Variants in MLPH observed in about 807,000 individuals in gnomAD.
The protein encoded by MLPH is melanophilin.
MLPH carries 51 observed loss-of-function variants against 72.1 expected under a neutral mutation model. That is an observed-to-expected ratio of 0.71 (90% CI 0.56 to 0.89). The LOEUF (loss-of-function observed/expected upper bound fraction) is 0.89. Ranked by LOEUF, MLPH falls within the 40% of genes least tolerant of loss-of-function variation. The pLI is 0.00. For missense variants in MLPH, 743 were observed against 759.9 expected (o/e 0.98, Z 0.26); for synonymous variants, 301 against 310.1 (o/e 0.97, Z 0.31).
At position 237,512,355 on chromosome 2, in the gene MLPH, A is replaced by G. The variant is rs368452945; in HGVS notation, c.445+1254A>G. Among the ~76,000 whole-genome samples, 57 of 152,358 alleles carry G rather than the reference A, an allele frequency of 3.7e-4. No homozygotes were observed. Among genetic ancestry groups the G allele is most frequent in the African/African-American group, 1.3e-3 (55 of 41,582 alleles). On this transcript the variant is annotated intron_variant, in intron 4 of 15. Transcript: ENST00000264605. This position sits in a 1 kb window ranked among gnomAD's most constrained non-coding sequence, Gnocchi z 5.5. ...CTTAGCCCATCGTTTAATTTAGGAC[A>G]GAGGCCACGGAGAGGCACCGCTGGA...
chr2:237,553,476 G>T, intron 15 of MLPH, 90 bp from the exon 16 acceptor site: 1 of 1,204,718 alleles, frequency 8.3e-7, no homozygotes. Context: ...GTACACACCT[G>T]TGTATTTGTA....
At chr2:237,492,994 C>G (rs972700215) in intron 1 of MLPH, among the ~76,000 whole-genome samples, 1 of 152,186 alleles carries the variant, frequency 6.6e-6, no homozygotes, top group Non-Finnish European at 1.5e-5. Context: ...CTGTGCTGTT[C>G]CCTCTCCCAA....
chr2:237,506,370 G>C lies in MLPH; in HGVS notation c.111-4204G>C, dbSNP rs11902311. On this transcript the variant is annotated intron_variant, in intron 2 of 15. Transcript: ENST00000264605. ...AATCTCTTTAATGTCTGTGTAGCAG[G>C]ACAAGCCACAGACAAGAACTCCTCA... Among the ~76,000 whole-genome samples, 728 of 152,240 alleles carry C rather than the reference G, an allele frequency of 4.8e-3. 1 individual carries two copies. The highest frequency in any genetic ancestry group is 0.017 in the African/African-American group (689 of 41,534).
intron 12 of MLPH, among the ~76,000 whole-genome samples, chr2:237,545,954 C>T (rs889160556): frequency 4.6e-5 from 7 of 152,144 alleles, no homozygotes; most frequent in African/African-American, 1.7e-4. Context: ...TAAGGACACA[C>T]CCATGACACA....
chr2:237,494,898 C>T (rs2079504770), intron 2 of MLPH, among the ~76,000 whole-genome samples: 1 of 152,200 alleles, frequency 6.6e-6, no homozygotes, highest in African/African-American at 2.4e-5. Flanking sequence ...GTGACTTGTA[C>T]AGTACAGATT....
chr2:237,553,551 G>A lies in MLPH; in HGVS notation c.1777-15G>A, dbSNP rs758716345. ...TGTGTGTGCTTATATGTGCATGTGT[G>A]TTTGTACTTTACAGAAACCTGTGGT... On this transcript the variant is annotated splice_polypyrimidine_tract_variant and intron_variant, in intron 15 of 15. Transcript: ENST00000264605. 1.2e-6 allele frequency: 2 copies of A among 1,613,726 alleles called. No individual in the cohort carries two copies. The highest frequency in any genetic ancestry group is 4.5e-5 in the East Asian group (2 of 44,886).
At chr2:237,486,985 A>G (rs1447132188), upstream of MLPH, among the ~76,000 whole-genome samples, 1 of 151,952 alleles carries the variant, frequency 6.6e-6, no homozygotes, top group South Asian at 2.1e-4. Flanking sequence ...GCGCGATGTC[A>G]CCTATGCAAA....
In MLPH at chr2:237,546,716, C is replaced by T. The variant is rs11899304; in HGVS notation, c.1617+33C>T. On this transcript the variant is annotated intron_variant, in intron 13 of 15. Transcript: ENST00000264605. ...TTACTCCATTCAAGCCCCAGACACC[C>T]GACAAAGGTGGAAGACTGCACCCCT... The T allele has an allele frequency of 4.7e-3, 7,355 of 1,580,136 alleles. 278 individuals are homozygous for T. The African/African-American group carries it at 0.082, about 18-fold the overall frequency.
At chr2:237,503,102 G>A (rs997186548) in intron 2 of MLPH, among the ~76,000 whole-genome samples, 2 of 152,140 alleles carry the variant, frequency 1.3e-5, no homozygotes, top group Admixed American at 1.3e-4. Flanking sequence ...CTGGGCAGCA[G>A]AGCGAAATTC....
intron 12 of MLPH, chr2:237,545,429 T>A (rs1440632646): frequency 7.8e-7 from 1 of 1,279,704 alleles, no homozygotes; most frequent in Non-Finnish European, 1.0e-6. Flanking sequence ...CATTTTTGTT[T>A]ATTATTTGTT....
chr2:237,526,513 A>G (rs2080308520), intron 7 of MLPH, among the ~76,000 whole-genome samples: 7 of 152,108 alleles, frequency 4.6e-5, no homozygotes, highest in Admixed American at 4.6e-4. Flanking sequence ...GCAGGGCTCT[A>G]CTTTCCCCCA....
rs2079467638 is a variant in MLPH at position 237,493,393 on chromosome 2, G to C, written c.-24-10G>C. The C allele has an allele frequency of 1.3e-6, 2 of 1,551,262 alleles. No homozygotes were observed. The highest frequency in any genetic ancestry group is 2.2e-5 in the South Asian group (2 of 89,720). On this transcript the variant is annotated splice_polypyrimidine_tract_variant and intron_variant, in intron 1 of 15. Transcript: ENST00000264605. ...TGGGACTGATGACTTGTGATCCTGT[G>C]ACATTCCAGGTGTGACCCCGACAAG... is the stretch of plus-strand genomic sequence containing the variant.
chr2:237,501,444 G>C (rs1237604470), intron 2 of MLPH, among the ~76,000 whole-genome samples: 1 of 152,118 alleles, frequency 6.6e-6, no homozygotes, highest in Non-Finnish European at 1.5e-5. Context: ...TCTGCAGTGA[G>C]TGAGAGCTTG....
intron 5 of MLPH, 99 bp downstream of exon 5, chr2:237,518,747 A>G (rs942386482): frequency 2.3e-5 from 20 of 859,408 alleles, no homozygotes; most frequent in African/African-American, 5.0e-5. Context: ...TGGCCTCTCC[A>G]CAACTCCACT....
chr2:237,504,990 T>G (rs574110591), intron 2 of MLPH, among the ~76,000 whole-genome samples: 17 of 152,338 alleles, frequency 1.1e-4, no homozygotes, highest in South Asian at 4.1e-4. Context: ...TCCCAGACTC[T>G]GCTCACTTAC....
Position 237,512,867 on chromosome 2 carries a change from T to G in MLPH, c.445+1766T>G, listed in dbSNP as rs575883365. Reference sequence around the variant, plus strand: ...TTTCCACAGCTCAGCCCAGAGCTGCTGGAGTTCACACGGCCCACCAGAACC... The same window carrying G: ...TTTCCACAGCTCAGCCCAGAGCTGCGGGAGTTCACACGGCCCACCAGAACC... On this transcript the variant is annotated intron_variant, in intron 4 of 15. Transcript: ENST00000264605. The surrounding 1 kb of genome is among the most constrained non-coding windows in gnomAD (Gnocchi z 5.5). Among the ~76,000 whole-genome samples the G allele has an allele frequency of 6.6e-6, 1 of 152,242 alleles. No homozygotes were observed. The highest frequency in any genetic ancestry group is 2.1e-4 in the South Asian group (1 of 4,826).
chr2:237,553,257 C>A, intron 15 of MLPH: 1 of 528,134 alleles, frequency 1.9e-6, no homozygotes, highest in Admixed American at 2.3e-5. Context: ...ATCTGAGATG[C>A]AGTGGAAAGG....
rs573088273 is a variant in MLPH, at chr2:237,525,154, G to A, written c.676-447G>A. 2.2e-4 allele frequency among the ~76,000 whole-genome samples: 33 copies of A among 152,282 alleles called. 1 individual carries two copies. The South Asian group carries it at 6.6e-3, about 31-fold the overall frequency. On this transcript the variant is annotated intron_variant, in intron 6 of 15. Transcript: ENST00000264605. ...ATGTCCGGATTACAGCCAAGGAGCT[G>A]CCAGGAAGCCCCAACCCACTTTTCT...
Position 237,527,454 on chromosome 2 carries a change from C to T in MLPH, c.958C>T (p.Arg320Trp), listed in dbSNP as rs752369818. The T allele has an allele frequency of 5.0e-5, 80 of 1,614,062 alleles. No homozygotes were observed. The highest frequency in any genetic ancestry group is 6.4e-5 in the Non-Finnish European group (76 of 1,180,056). The stretch of plus-strand genomic sequence containing the variant: ...GGACACCTCTGATGAGGAAAGCATC[C>T]GGGCTCACGTGATGGCCTCCCACCA... ...DVDTSDEESI[R>W]AHVMASHHSK... Residue 320 changes from arginine to tryptophan, a missense_variant, in exon 8 of 16, where the codon CGG becomes TGG. Physicochemically the swap from Arg to Trp is moderately radical, Grantham distance 101. Coordinates refer to ENST00000264605, the MANE Select transcript of MLPH (RefSeq NM_024101.7).
Sources: allele counts gnomAD v4.1 joint callset (sites outside exome capture counted in the v4.1 genomes callset), GRCh38; gene constraint gnomAD v4.1.1; non-coding constraint Gnocchi (gnomAD v3.1); transcripts MANE v1.5; gene names NCBI Gene and HGNC (gene_info 2026-07-23, HGNC 2026-07-21).